Variants in TCP11L1 observed in about 807,000 individuals in gnomAD.
The protein encoded by TCP11L1 is T-complex protein 11-like protein 1.
A neutral mutation model predicts 48.9 loss-of-function variants in TCP11L1; 28 were observed. The ratio of observed to expected loss-of-function variants is 0.57; its 90% confidence interval spans 0.42 to 0.78. TCP11L1 has a LOEUF of 0.78. Among genes scored for constraint, TCP11L1 ranks in the 30% least tolerant of loss-of-function variants. TCP11L1 has a pLI of 0.00. For synonymous variants in TCP11L1, 204 were observed against 231.9 expected, an observed-to-expected ratio of 0.88 and a Z score of 1.09; for missense variants, 505 against 613.4, an observed-to-expected ratio of 0.82 and a Z score of 1.87.
intron 2 of TCP11L1, among the ~76,000 whole-genome samples, chr11:33,053,683 G>T (rs1479627417): frequency 6.6e-6 from 1 of 152,104 alleles, no homozygotes; most frequent in Non-Finnish European, 1.5e-5. Context: ...AAATTCTTGT[G>T]TCACACATCT....
At chr11:33,049,244 G>A (rs1401103805) in intron 2 of TCP11L1, among the ~76,000 whole-genome samples, 10 of 72,948 alleles carry the variant, frequency 1.4e-4, no homozygotes, top group East Asian at 5.9e-4. Context: ...GCAAGACTCC[G>A]TCTCAAAAAA....
intron 2 of TCP11L1, among the ~76,000 whole-genome samples, chr11:33,046,553 C>A (rs1416916477): frequency 6.6e-6 from 1 of 152,210 alleles, no homozygotes; most frequent in East Asian, 1.9e-4. Context: ...GTCGTGGAAG[C>A]TTTCATTAAG....
In TCP11L1 at chr11:33,054,775, A is replaced by G. The variant is rs769289854; in HGVS notation, c.296+50A>G. On this transcript the variant is annotated intron_variant, in intron 3 of 9. Coordinates refer to ENST00000334274, the MANE Select transcript of TCP11L1 (RefSeq NM_018393.4). ...GCTTAGTAGAACACTGTCATTTCCC[A>G]GTTTTGAAAATGTTTCCTTCAGTTG... The G allele has an allele frequency of 5.8e-6, 9 of 1,556,944 alleles. No individual in the cohort carries two copies. The Admixed American group carries it at 1.4e-4, about 24-fold the overall frequency.
rs376486351 is a variant in TCP11L1, at chr11:33,072,640, C to T, written c.1494C>T (p.Tyr498=). 6 of 1,614,044 alleles carry T rather than the reference C, an allele frequency of 3.7e-6. No homozygotes were observed. In the African/African-American group the frequency reaches 4.0e-5, roughly 11 times the overall value. The change falls in exon 10 of 10, where the codon TAC becomes TAT. Residue 498 remains tyrosine (Y), a synonymous_variant. Transcript: ENST00000334274. ...NYNKMVFCPY[Y]DAILSKILVR... is the part of the protein sequence containing the mutation. ...ACAAGATGGTCTTCTGTCCCTACTA[C>T]GATGCAATCCTGAGTAAGATCCTCG... is the stretch of plus-strand genomic sequence containing the variant.
chr11:33,050,293 G>A (rs962123040), intron 2 of TCP11L1, among the ~76,000 whole-genome samples: 1 of 152,038 alleles, frequency 6.6e-6, no homozygotes, highest in African/African-American at 2.4e-5. Context: ...ACAATTTTTT[G>A]CAAAAGCAAG....
intron 3 of TCP11L1, 114 bp from the exon 4 acceptor site, chr11:33,057,001 C>G (rs1854327808): frequency 7.0e-7 from 1 of 1,425,726 alleles, no homozygotes; most frequent in Non-Finnish European, 9.5e-7. Context: ...TTCCTTGGTC[C>G]AAATCACTGG....
intron 2 of TCP11L1, among the ~76,000 whole-genome samples, chr11:33,047,200 C>T (rs1967728): frequency 0.41 from 61,579 of 148,462 alleles, 12,853 homozygotes; most frequent in African/African-American, 0.48. Context: ...GGGACAAGAG[C>T]GAAACTTCAT....
chr11:33,058,396 ACTACGTTGGCCAGG>A (rs1854374743), intron 5 of TCP11L1, among the ~76,000 whole-genome samples: 1 of 152,044 alleles, frequency 6.6e-6, no homozygotes, highest in African/African-American at 2.4e-5. Context: ...ATGGTGTTTC[ACTACGTTGGCCAGG>A]CTGGTCTCGA....
intron 2 of TCP11L1, among the ~76,000 whole-genome samples, chr11:33,049,672 G>C (rs1854100652): frequency 6.6e-6 from 1 of 152,174 alleles, no homozygotes; most frequent in Non-Finnish European, 1.5e-5. Context: ...TTAAAGAGCA[G>C]TATTGCCGCT....
chr11:33,063,085 A>G (rs1007781749), intron 7 of TCP11L1, among the ~76,000 whole-genome samples: 5 of 152,130 alleles, frequency 3.3e-5, no homozygotes, highest in African/African-American at 4.8e-5. Flanking sequence ...GGCTGATCTT[A>G]AACTCCTGGC....
intron 5 of TCP11L1, 44 bp downstream of exon 5, chr11:33,058,183 A>T: frequency 6.7e-7 from 1 of 1,501,504 alleles, no homozygotes; most frequent in Non-Finnish European, 8.9e-7. Flanking sequence ...TACAATTCAG[A>T]GGCATTTTCT....
In TCP11L1 at chr11:33,039,780, G is replaced by C. The variant is rs924231361; in HGVS notation, c.-37G>C. ...CGGGAGCGGCAGGAGGGAGAACGCC[G>C]ACTCCGTGGCAGGTGAGAGCGGGAG... On this transcript the variant is annotated 5_prime_UTR_variant, in exon 1 of 10. Coordinates refer to ENST00000334274, the MANE Select transcript of TCP11L1 (RefSeq NM_018393.4). The C allele has an allele frequency of 7.2e-5, 11 of 152,504 alleles. No homozygotes were observed. Among genetic ancestry groups the C allele is most frequent in the Non-Finnish European group, 1.6e-4 (11 of 68,150 alleles). 9.4% of individuals were successfully genotyped at this position (152,504 alleles called of 1,614,324 possible).
chr11:33,070,483 C>T (rs1052231728), intron 9 of TCP11L1, among the ~76,000 whole-genome samples: 11 of 151,762 alleles, frequency 7.2e-5, no homozygotes, highest in African/African-American at 1.5e-4. Context: ...ATTGGAAGTT[C>T]GAGACCAGGC....
At chr11:33,053,976 C>T (rs11032127) in intron 2 of TCP11L1, among the ~76,000 whole-genome samples, 20,418 of 152,034 alleles carry the variant, frequency 0.13, 1,565 homozygotes, top group Middle Eastern at 0.22. Flanking sequence ...CCACCATGCC[C>T]GGTTAGTTTT....
intron 9 of TCP11L1, among the ~76,000 whole-genome samples, chr11:33,071,696 C>T (rs1272400108): frequency 6.6e-6 from 1 of 152,160 alleles, no homozygotes; most frequent in Non-Finnish European, 1.5e-5. Flanking sequence ...GGAAAAAAGT[C>T]TTTTTTGAAC....
intron 2 of TCP11L1, among the ~76,000 whole-genome samples, chr11:33,049,680 G>T (rs185540390): frequency 6.6e-6 from 1 of 152,274 alleles, no homozygotes; most frequent in African/African-American, 2.4e-5. Flanking sequence ...CAGTATTGCC[G>T]CTAGCACCTC....
chr11:33,059,131 CTG>C (rs765548496), intron 6 of TCP11L1, 36 bp downstream of exon 6: 16 of 1,602,706 alleles, frequency 1.0e-5, no homozygotes, highest in African/African-American at 5.4e-5. Context: ...TTTTTGTTGT[CTG>C]TGGTTTTTCA....
chr11:33,066,041 C>T lies in TCP11L1; in HGVS notation c.1154+30C>T, dbSNP rs577173175. The T allele has an allele frequency of 5.0e-5, 81 of 1,610,664 alleles. 1 individual carries two copies. In the South Asian group the frequency reaches 6.0e-4, roughly 12 times the overall value. ...GTGGAACTTTGATGCGTGGATGGGA[C>T]GCAGTGGATGTCAGAGAGCCGACTG... On this transcript the variant is annotated intron_variant, in intron 8 of 9. Transcript: ENST00000334274.
In TCP11L1 at chr11:33,065,849, C is replaced by T; in HGVS notation, c.992C>T (p.Ser331Phe). ...TTACAGACAGTTTTAATGGACCAGT[C>T]TCGCTTCCACGAGCTCCAGTTGCAG... ...PFPETVLMDQ[S>F]RFHELQLQLE... Residue 331 changes from serine (S) to phenylalanine (F), a missense_variant, in exon 8 of 10, where the codon TCT (serine) becomes TTT (phenylalanine). Ser to Phe is a radical substitution (Grantham distance 155, BLOSUM62 -2). Transcript: ENST00000334274. 5 of 1,614,040 alleles carry T rather than the reference C, an allele frequency of 3.1e-6. No homozygotes were observed. The highest frequency in any genetic ancestry group is 4.2e-6 in the Non-Finnish European group (5 of 1,179,926).
Sources: gnomAD v4.1 joint callset for allele counts (sites outside exome capture counted in the v4.1 genomes callset) on GRCh38, gnomAD v4.1.1 for gene constraint, MANE v1.5 for transcripts, NCBI Gene and HGNC (gene_info 2026-07-23, HGNC 2026-07-21) for gene names.